Variants in ATP2B2 observed in about 807,000 individuals in gnomAD.
The protein encoded by ATP2B2 is ATPase plasma membrane Ca2+ transporting 2.
ATP2B2 carries 15 observed loss-of-function variants against 120.0 expected under a neutral mutation model. That is an observed-to-expected ratio of 0.12 (90% confidence interval 0.08 to 0.19). ATP2B2 has a LOEUF of 0.19. Among genes scored for constraint, ATP2B2 ranks in the 10% least tolerant of loss-of-function variants. The pLI, the probability that ATP2B2 is intolerant of heterozygous loss-of-function variation, is 1.00. For synonymous variants in ATP2B2, 694 were observed against 700.3 expected, an observed-to-expected ratio of 0.99 and a Z score of 0.14; for missense variants, 1,045 against 1,719.8, an observed-to-expected ratio of 0.61 and a Z score of 6.94.
chr3:10,645,115 A>C (rs2070289148), intron 1 of ATP2B2, among the ~76,000 whole-genome samples: 1 of 152,164 alleles, frequency 6.6e-6, no homozygotes. Flanking sequence ...GAAAAGAGAG[A>C]GAGAGAGAGA....
intron 2 of ATP2B2, among the ~76,000 whole-genome samples, chr3:10,432,644 G>C (rs2063353832): frequency 2.0e-5 from 3 of 152,284 alleles, no homozygotes; most frequent in African/African-American, 7.2e-5. Flanking sequence ...CTTCACGCCA[G>C]AAGCGAATCT....
chr3:10,361,888 C>A (rs538860824), intron 12 of ATP2B2, among the ~76,000 whole-genome samples: 1 of 152,308 alleles, frequency 6.6e-6, no homozygotes, highest in South Asian at 2.1e-4. Context: ...TAATGCAGAC[C>A]AGAGTGGTGG....
intron 1 of ATP2B2, among the ~76,000 whole-genome samples, chr3:10,458,139 T>C (rs574228131): frequency 1.3e-5 from 2 of 152,258 alleles, no homozygotes; most frequent in South Asian, 4.2e-4. Flanking sequence ...TCTGTCCATC[T>C]GTCAATCCAT....
chr3:10,581,438 C>A (rs1448759458), intron 2 of ATP2B2, among the ~76,000 whole-genome samples: 1 of 152,166 alleles, frequency 6.6e-6, no homozygotes, highest in Non-Finnish European at 1.5e-5. Flanking sequence ...GGCCAGAGAA[C>A]TGGGGCAAGG....
chr3:10,506,350 G>A (rs879669744), upstream of ATP2B2, among the ~76,000 whole-genome samples: 1 of 152,124 alleles, frequency 6.6e-6, no homozygotes, highest in Non-Finnish European at 1.5e-5. Flanking sequence ...ACCAGCAGGG[G>A]TGTCTGCATG....
At chr3:10,698,571 C>A (rs1045091367) in intron 1 of ATP2B2, among the ~76,000 whole-genome samples, 1 of 152,222 alleles carries the variant, frequency 6.6e-6, no homozygotes, top group African/African-American at 2.4e-5. Context: ...TGGACCCTGA[C>A]CAGCTCTGCC....
intron 2 of ATP2B2, among the ~76,000 whole-genome samples, chr3:10,446,030 G>A (rs143112993): frequency 6.6e-6 from 1 of 152,324 alleles, no homozygotes; most frequent in Non-Finnish European, 1.5e-5. Flanking sequence ...AGGTGGCCGT[G>A]CTTGGCTCAG....
chr3:10,521,745 G>T (rs2066989246), intron 3 of ATP2B2, among the ~76,000 whole-genome samples: 1 of 152,214 alleles, frequency 6.6e-6, no homozygotes, highest in Admixed American at 6.5e-5. Flanking sequence ...TGTGAGTGGA[G>T]AGCCAGAGGT....
intron 1 of ATP2B2, among the ~76,000 whole-genome samples, chr3:10,693,721 A>C (rs554329349): frequency 3.7e-4 from 56 of 152,374 alleles, no homozygotes; most frequent in Non-Finnish European, 7.8e-4. Flanking sequence ...ACTAGAATGC[A>C]AACTCCACGA....
At chr3:10,360,289 T>C (rs1231607157) in intron 12 of ATP2B2, among the ~76,000 whole-genome samples, 166 bp from the exon 13 acceptor site, 4 of 152,230 alleles carry the variant, frequency 2.6e-5, no homozygotes, top group South Asian at 4.1e-4. Flanking sequence ...GGGCTCTGCA[T>C]CCCAGGTCCA....
At chr3:10,464,695 C>T (rs2064659687) in intron 1 of ATP2B2, among the ~76,000 whole-genome samples, 1 of 152,232 alleles carries the variant, frequency 6.6e-6, no homozygotes, top group Non-Finnish European at 1.5e-5. Context: ...GTTGTCACTT[C>T]TCTGAAATGG....
At chr3:10,512,464 G>GCGCGCGCGCGCGCA (rs749056818) in intron 3 of ATP2B2, among the ~76,000 whole-genome samples, 2 of 136,926 alleles carry the variant, frequency 1.5e-5, no homozygotes, top group East Asian at 2.2e-4. Flanking sequence ...AAGTGTGTGC[G>GCGCGCGCGCGCGCA]CACACACACA....
At chr3:10,656,701 A>C (rs2070637947) in intron 1 of ATP2B2, among the ~76,000 whole-genome samples, 1 of 152,270 alleles carries the variant, frequency 6.6e-6, no homozygotes, top group African/African-American at 2.4e-5. Flanking sequence ...TGGACAAGAA[A>C]ACAATGGCAC....
chr3:10,485,522 C>T (rs958274096), intron 1 of ATP2B2, among the ~76,000 whole-genome samples: 1 of 152,224 alleles, frequency 6.6e-6, no homozygotes, highest in Non-Finnish European at 1.5e-5. Context: ...CTCCTGCGCC[C>T]GCTCCCTCCG....
In ATP2B2 at chr3:10,343,909, T is replaced by G. The variant is rs1016156926; in HGVS notation, c.2704-944A>C. On this transcript the variant is annotated intron_variant, in intron 18 of 22. Coordinates refer to ENST00000360273, the MANE Select transcript of ATP2B2 (RefSeq NM_001001331.4). The surrounding 1 kb of genome is among the most constrained non-coding windows in gnomAD (Gnocchi z 4.2). ...TGTGGCTTTAGTTACATCCGTCTAG[T>G]GGCCTGTGGAACACCTCCTCCAGGA... is the stretch of plus-strand genomic sequence containing the variant. Among the ~76,000 whole-genome samples the G allele has an allele frequency of 6.6e-6, 1 of 152,142 alleles. No homozygotes were observed. The highest frequency in any genetic ancestry group is 1.5e-5 in the Non-Finnish European group (1 of 68,040).
intron 1 of ATP2B2, among the ~76,000 whole-genome samples, chr3:10,638,701 T>C (rs1490260507): frequency 6.6e-6 from 1 of 152,208 alleles, no homozygotes; most frequent in Non-Finnish European, 1.5e-5. Flanking sequence ...AGTACAACTC[T>C]ATGTTGTCTA....
At chr3:10,637,823 G>A (rs1039629190) in intron 1 of ATP2B2, among the ~76,000 whole-genome samples, 1 of 151,882 alleles carries the variant, frequency 6.6e-6, no homozygotes, top group African/African-American at 2.4e-5. Flanking sequence ...CAAGAAACAT[G>A]AAGAAAGCAA....
chr3:10,621,125 A>G (rs1033637463), intron 1 of ATP2B2, among the ~76,000 whole-genome samples: 1 of 151,714 alleles, frequency 6.6e-6, no homozygotes, highest in African/African-American at 2.4e-5. Context: ...CTGGCACCCC[A>G]CCCTTGCTAC....
At chr3:10,457,704 G>T (rs1444304581) in intron 1 of ATP2B2, among the ~76,000 whole-genome samples, 1 of 152,134 alleles carries the variant, frequency 6.6e-6, no homozygotes, top group African/African-American at 2.4e-5. Context: ...CAGTTGAGAA[G>T]AGAGAACAGG....
Sources: gnomAD v4.1 joint callset for allele counts (sites outside exome capture counted in the v4.1 genomes callset) on GRCh38, gnomAD v4.1.1 for gene constraint, Gnocchi (gnomAD v3.1) non-coding constraint, MANE v1.5 for transcripts, NCBI Gene and HGNC (gene_info 2026-07-23, HGNC 2026-07-21) for gene names.